Variants in DKK2 observed in about 807,000 individuals in gnomAD.
DKK2 encodes the protein dickkopf-related protein 2.
A neutral mutation model predicts 28.1 loss-of-function variants in DKK2; 11 were observed. The ratio of observed to expected loss-of-function variants is 0.39; its 90% CI spans 0.25 to 0.65. The LOEUF is 0.65. Ranked by LOEUF, DKK2 falls within the 30% of genes least tolerant of loss-of-function variation. DKK2 has a pLI of 0.47. For missense variants in DKK2, 326 were observed against 335.5 expected, an observed-to-expected ratio of 0.97 and a Z score of 0.22; for synonymous variants, 135 against 126.5, an observed-to-expected ratio of 1.07 and a Z score of -0.45.
At chr4:106,933,518 A>G (rs977983534) in intron 1 of DKK2, among the ~76,000 whole-genome samples, 2 of 152,232 alleles carry the variant, frequency 1.3e-5, no homozygotes, top group Non-Finnish European at 2.9e-5. Context: ...GTGTGGACTC[A>G]GAGCTGTCAA....
chr4:106,987,499 T>G (rs1282355697), intron 1 of DKK2, among the ~76,000 whole-genome samples: 1 of 152,208 alleles, frequency 6.6e-6, no homozygotes, highest in Non-Finnish European at 1.5e-5. Flanking sequence ...GGTCTGCAGT[T>G]TGATGGGGCT....
intron 1 of DKK2, among the ~76,000 whole-genome samples, chr4:106,998,249 T>C (rs946801636): frequency 2.0e-5 from 3 of 152,226 alleles, no homozygotes; most frequent in South Asian, 4.1e-4. Flanking sequence ...TGGGTTTTTC[T>C]AGTCCATTCT....
chr4:107,011,372 A>C (rs1452411691), intron 1 of DKK2, among the ~76,000 whole-genome samples: 1 of 151,496 alleles, frequency 6.6e-6, no homozygotes, highest in Non-Finnish European at 1.5e-5. Context: ...AAATATTATG[A>C]GTTGATTTTC....
At chr4:106,948,984 CTGTT>C (rs750391326) in intron 1 of DKK2, among the ~76,000 whole-genome samples, 3 of 152,156 alleles carry the variant, frequency 2.0e-5, no homozygotes, top group Non-Finnish European at 4.4e-5. Flanking sequence ...TTTCAGATCT[CTGTT>C]TAAGTTGAGG....
chr4:106,960,150 A>G (rs1722665728), intron 1 of DKK2, among the ~76,000 whole-genome samples: 1 of 150,064 alleles, frequency 6.7e-6, no homozygotes. Context: ...ACATATATAT[A>G]CATATATACA....
At chr4:106,993,010 C>A (rs1013487497) in intron 1 of DKK2, among the ~76,000 whole-genome samples, 1 of 152,196 alleles carries the variant, frequency 6.6e-6, no homozygotes, top group Non-Finnish European at 1.5e-5. Context: ...CTGCAAAGAA[C>A]CAGCATGGAC....
chr4:106,977,540 A>C (rs895409714), intron 1 of DKK2, among the ~76,000 whole-genome samples: 2 of 152,054 alleles, frequency 1.3e-5, no homozygotes, highest in African/African-American at 4.8e-5. Flanking sequence ...TCAGCTATTG[A>C]TACTTGTGTA....
chr4:106,962,552 T>A lies in DKK2; in HGVS notation c.223-36603A>T, dbSNP rs185986577. On this transcript the variant is annotated intron_variant, in intron 1 of 3. Transcript: ENST00000285311. ...GTGTGTGTGTGTGTGTGTGTGTGTG[T>A]GAATGCAGAAGAATGAAACTAGATG... is the stretch of plus-strand genomic sequence containing the variant. Among the ~76,000 whole-genome samples the A allele has an allele frequency of 5.1e-4, 61 of 120,528 alleles. No homozygotes were observed. In the East Asian group the frequency reaches 0.01, roughly 20 times the overall value. 79.1% of individuals were successfully genotyped at this position (120,528 alleles called of 152,430 possible).
intron 1 of DKK2, among the ~76,000 whole-genome samples, chr4:107,006,708 G>A (rs1360572758): frequency 1.3e-5 from 2 of 152,174 alleles, no homozygotes; most frequent in Non-Finnish European, 2.9e-5. Flanking sequence ...TGAAAGACAA[G>A]TGAAAAGGCA....
At chr4:106,962,027 A>T (rs1438936569) in intron 1 of DKK2, among the ~76,000 whole-genome samples, 1 of 152,172 alleles carries the variant, frequency 6.6e-6, no homozygotes, top group African/African-American at 2.4e-5. Context: ...TTTCTCACCA[A>T]GCAGTGGACT....
At chr4:106,949,219 G>C (rs1724823709) in intron 1 of DKK2, among the ~76,000 whole-genome samples, 1 of 152,132 alleles carries the variant, frequency 6.6e-6, no homozygotes, top group Non-Finnish European at 1.5e-5. Context: ...AAAGTGCTGG[G>C]ATACTTTAAT....
chr4:107,000,027 G>T (rs1363405318), intron 1 of DKK2, among the ~76,000 whole-genome samples: 1 of 152,156 alleles, frequency 6.6e-6, no homozygotes, highest in East Asian at 1.9e-4. Context: ...TTTAATCAGA[G>T]AAGAGGAAAG....
intron 1 of DKK2, among the ~76,000 whole-genome samples, chr4:106,980,504 C>T (rs1723012265): frequency 6.6e-6 from 1 of 152,076 alleles, no homozygotes; most frequent in Non-Finnish European, 1.5e-5. Context: ...TAATTTAACT[C>T]TTATTCTGCA....
intron 1 of DKK2, among the ~76,000 whole-genome samples, chr4:106,943,904 T>C (rs1184616750): frequency 2.0e-5 from 3 of 152,226 alleles, no homozygotes; most frequent in Non-Finnish European, 1.5e-5. Context: ...TGACAATAGG[T>C]GTTTCTGAGG....
At chr4:106,966,277 A>T (rs1722780002) in intron 1 of DKK2, among the ~76,000 whole-genome samples, 1 of 152,158 alleles carries the variant, frequency 6.6e-6, no homozygotes, top group South Asian at 2.1e-4. Context: ...CTGCTAAAAA[A>T]GTTGGCTTTT....
At chr4:106,940,975 G>A (rs1311574930) in intron 1 of DKK2, among the ~76,000 whole-genome samples, 1 of 152,018 alleles carries the variant, frequency 6.6e-6, no homozygotes, top group South Asian at 2.1e-4. Context: ...GGGTGAGGGG[G>A]GAGGGATAGC....
chr4:106,975,838 C>G (rs1455873245), intron 1 of DKK2, among the ~76,000 whole-genome samples: 3 of 151,918 alleles, frequency 2.0e-5, no homozygotes. Context: ...TATTAGGGTG[C>G]TGATTTTAGA....
At chr4:106,998,452 A>G (rs1319837722) in intron 1 of DKK2, among the ~76,000 whole-genome samples, 1 of 152,202 alleles carries the variant, frequency 6.6e-6, no homozygotes, top group Non-Finnish European at 1.5e-5. Context: ...CAAGCAGTCA[A>G]TGTTCCTTCC....
At position 107,027,756 on chromosome 4, in the gene DKK2, A is replaced by ATTTTTTTTTTTTTTTTTTT. The variant is rs71590176; in HGVS notation, c.222+7613_222+7614insAAAAAAAAAAAAAAAAAAA. On this transcript the variant is annotated intron_variant, in intron 1 of 3. Coordinates refer to ENST00000285311, the MANE Select transcript of DKK2 (RefSeq NM_014421.3). ...TTGCTTATGACCTCCACCTATTATG[A>ATTTTTTTTTTTTTTTTTTT]TTTTTTTTTTTTTGAGACAGAGTCT... Among the ~76,000 whole-genome samples the ATTTTTTTTTTTTTTTTTTT allele has an allele frequency of 3.1e-4, 42 of 135,300 alleles. 1 individual carries two copies. Among genetic ancestry groups the ATTTTTTTTTTTTTTTTTTT allele is most frequent in the African/African-American group, 1.1e-3 (39 of 36,336 alleles). The allele number at this position is 135,300 out of a possible 152,430, so 88.8% of individuals were successfully genotyped here.
Sources: allele counts gnomAD v4.1 joint callset (sites outside exome capture counted in the v4.1 genomes callset), GRCh38; gene constraint gnomAD v4.1.1; transcripts MANE v1.5; gene names NCBI Gene and HGNC (gene_info 2026-07-23, HGNC 2026-07-21).